The following TAS2R1 variants were observed in gnomAD, a reference collection of about 807,000 sequenced individuals.
The protein encoded by TAS2R1 is taste 2 receptor member 1.
For synonymous variants in TAS2R1, 141 were observed against 134.2 expected (o/e 1.05, Z -0.35); for missense variants, 370 against 353.4 (o/e 1.05, Z -0.38).
rs1740877229 is a variant in TAS2R1 at position 9,676,444 on chromosome 5, T to C, written c.-241-16863A>G. ...TTGAATATAACAGAAGGCCCAGAAA[T>C]AGACCTACACAAAATATTCAATTGA... On this transcript the variant is annotated intron_variant, in intron 1 of 2. Coordinates refer to the TAS2R1 transcript ENST00000506620. Among the ~76,000 whole-genome samples, 8 of 151,726 alleles carry C rather than the reference T, an allele frequency of 5.3e-5. No individual in the cohort carries two copies. In the South Asian group the frequency reaches 1.7e-3, roughly 32 times the overall value.
chr5:9,810,566 G>A, the TAS2R1 span, among the ~76,000 whole-genome samples: 1 of 152,266 alleles, frequency 6.6e-6, no homozygotes, highest in East Asian at 1.9e-4. Context: ...GGTTTCAGGG[G>A]GGCATGGGGT....
chr5:9,803,006 G>A, the TAS2R1 span, among the ~76,000 whole-genome samples: 1 of 152,136 alleles, frequency 6.6e-6, no homozygotes, highest in Non-Finnish European at 1.5e-5. Flanking sequence ...ACCTGATACA[G>A]GATATGAAAG....
chr5:9,872,830 A>C, the TAS2R1 span, among the ~76,000 whole-genome samples: 10 of 152,262 alleles, frequency 6.6e-5, no homozygotes, highest in Non-Finnish European at 1.5e-4. Context: ...GTATAACTAC[A>C]TTGACTTGAA....
intron 2 of TAS2R1, among the ~76,000 whole-genome samples, chr5:9,644,511 G>A (rs543497498): frequency 3.1e-4 from 47 of 152,250 alleles, no homozygotes; most frequent in African/African-American, 9.9e-4. Context: ...GGAGAAGGTT[G>A]AAGGAAGGTT....
At chr5:9,657,243 T>G (rs114312645) in intron 2 of TAS2R1, among the ~76,000 whole-genome samples, 2,506 of 152,282 alleles carry the variant, frequency 0.016, 85 homozygotes, top group African/African-American at 0.057. Flanking sequence ...TCAATTTAAT[T>G]AATTCAATTA....
chr5:9,787,265 A>G, the TAS2R1 span, among the ~76,000 whole-genome samples: 1 of 152,178 alleles, frequency 6.6e-6, no homozygotes, highest in Non-Finnish European at 1.5e-5. Context: ...GACAGGCATA[A>G]ACATGTAAGA....
chr5:9,755,571 A>C, the TAS2R1 span, among the ~76,000 whole-genome samples: 1 of 139,024 alleles, frequency 7.2e-6, no homozygotes, highest in African/African-American at 2.6e-5. Context: ...TGGGCGACAG[A>C]GTGAGACTCC....
the TAS2R1 span, among the ~76,000 whole-genome samples, chr5:9,745,096 G>C: frequency 1.3e-5 from 2 of 152,298 alleles, no homozygotes; most frequent in African/African-American, 4.8e-5. Context: ...GCTGCGGGCA[G>C]ACCAAGTAAG....
chr5:9,879,142 A>G, the TAS2R1 span, among the ~76,000 whole-genome samples: 1 of 152,274 alleles, frequency 6.6e-6, no homozygotes, highest in Non-Finnish European at 1.5e-5. Context: ...TTAGTAGTCA[A>G]GGCAAATATT....
the TAS2R1 span, among the ~76,000 whole-genome samples, chr5:9,879,631 A>G: frequency 6.6e-6 from 1 of 152,226 alleles, no homozygotes; most frequent in Non-Finnish European, 1.5e-5. Flanking sequence ...TTTAATTTTT[A>G]TAATAACCCC....
At position 9,669,012 on chromosome 5, in the gene TAS2R1, G is replaced by A. The variant is rs926117102; in HGVS notation, c.-241-9431C>T. ...AGACCCAACTATATGCTGTCTATAA[G>A]AGACCTGTCTAACATATAATGACAC... is the stretch of plus-strand genomic sequence containing the variant. On this transcript the variant is annotated intron_variant, in intron 1 of 2. Transcript: ENST00000506620. 3.3e-5 allele frequency among the ~76,000 whole-genome samples: 5 copies of A among 152,250 alleles called. No homozygotes were observed. The East Asian group carries it at 9.7e-4, about 29-fold the overall frequency.
chr5:9,788,616 G>A, the TAS2R1 span, among the ~76,000 whole-genome samples: 1 of 152,124 alleles, frequency 6.6e-6, no homozygotes, highest in Non-Finnish European at 1.5e-5. Flanking sequence ...TAAAAAAGGA[G>A]CAGATAGCCA....
At chr5:9,851,864 T>C in the TAS2R1 span, among the ~76,000 whole-genome samples, 2 of 152,376 alleles carry the variant, frequency 1.3e-5, no homozygotes, top group African/African-American at 4.8e-5. Context: ...AGTGCTTCTC[T>C]GTAGATAGAA....
At chr5:9,663,901 T>A (rs1324498554) in intron 1 of TAS2R1, among the ~76,000 whole-genome samples, 1 of 151,996 alleles carries the variant, frequency 6.6e-6, no homozygotes, top group Non-Finnish European at 1.5e-5. Flanking sequence ...AAGCAATGCA[T>A]CTATAAGCCA....
the TAS2R1 span, among the ~76,000 whole-genome samples, chr5:9,812,183 G>A: frequency 2.0e-5 from 3 of 151,982 alleles, no homozygotes; most frequent in Admixed American, 2.0e-4. Context: ...TTTCATGAGG[G>A]CAAAGACTAT....
upstream of TAS2R1, among the ~76,000 whole-genome samples, chr5:9,631,085 T>C (rs557241988): frequency 6.6e-6 from 1 of 152,268 alleles, no homozygotes; most frequent in East Asian, 1.9e-4. Context: ...CTCCCCAGGC[T>C]GTAACAGCCA....
At chr5:9,898,181 A>G in the TAS2R1 span, among the ~76,000 whole-genome samples, 1 of 152,186 alleles carries the variant, frequency 6.6e-6, no homozygotes, top group African/African-American at 2.4e-5. Flanking sequence ...CTCCAAAATA[A>G]CCATCTTTGA....
chr5:9,679,830 C>T (rs1172888203), intron 1 of TAS2R1, among the ~76,000 whole-genome samples: 1 of 152,150 alleles, frequency 6.6e-6, no homozygotes, highest in Admixed American at 6.5e-5. Flanking sequence ...TAGCATATGT[C>T]CCTATATTCC....
chr5:9,886,190 C>T, the TAS2R1 span, among the ~76,000 whole-genome samples: 6 of 151,934 alleles, frequency 3.9e-5, no homozygotes, highest in Non-Finnish European at 8.8e-5. Flanking sequence ...TGCTGCCAAG[C>T]CCAGCTAATT....
Sources: gnomAD v4.1 joint callset for allele counts (sites outside exome capture counted in the v4.1 genomes callset) on GRCh38, gnomAD v4.1.1 for gene constraint, MANE v1.5 for transcripts, NCBI Gene and HGNC (gene_info 2026-07-23, HGNC 2026-07-21) for gene names.